ITGA3: variants seen among roughly 807,000 people sequenced by gnomAD.
ITGA3 encodes integrin alpha-3.
A neutral mutation model predicts 131.1 loss-of-function variants in ITGA3; 70 were observed. The observed-to-expected ratio is 0.53, with a 90% CI of 0.44 to 0.65. ITGA3 has a LOEUF of 0.65. ITGA3 is among the 30% of genes least tolerant of loss of function. The pLI, the probability that ITGA3 is intolerant of heterozygous loss-of-function variation, is 0.00. For missense variants in ITGA3, 1,098 were observed against 1,388.6 expected, an observed-to-expected ratio of 0.79 and a Z score of 3.33; for synonymous variants, 537 against 571.6, an observed-to-expected ratio of 0.94 and a Z score of 0.86.
chr17:50,087,660 T>G (rs1340727752), intron 23 of ITGA3, 84 bp from the exon 24 acceptor site: 2 of 1,470,504 alleles, frequency 1.4e-6, no homozygotes, highest in Non-Finnish European at 1.8e-6. Flanking sequence ...AAACAGCAGG[T>G]GCCTGGGCCC....
chr17:50,088,191 CT>C (rs781433624), intron 24 of ITGA3, 33 bp from the exon 25 acceptor site: 16 of 1,543,788 alleles, frequency 1.0e-5, no homozygotes, highest in East Asian at 2.4e-5. Flanking sequence ...CAGCGCCCCC[CT>C]GATGGCCCGT....
chr17:50,080,996 C>T (rs1008740363), intron 22 of ITGA3: 15 of 337,380 alleles, frequency 4.4e-5, no homozygotes, highest in Admixed American at 2.3e-4. Flanking sequence ...TGGGTGTGGC[C>T]GTGCGCCAAA....
intron 24 of ITGA3, 102 bp from the exon 25 acceptor site, chr17:50,088,123 C>G (rs1909546578): frequency 7.0e-7 from 1 of 1,423,894 alleles, no homozygotes; most frequent in Non-Finnish European, 9.3e-7. Flanking sequence ...TGAGCCCCAG[C>G]CCCCAGGCTC....
At chr17:50,075,217 C>T (rs1200956244) in intron 10 of ITGA3, among the ~76,000 whole-genome samples, 1 of 152,194 alleles carries the variant, frequency 6.6e-6, no homozygotes, top group Admixed American at 6.5e-5. Flanking sequence ...CAGACAAGTC[C>T]TTCTGGGCCC....
At chr17:50,077,508 C>T in intron 16 of ITGA3, 61 bp downstream of exon 16, 1 of 1,292,160 alleles carries the variant, frequency 7.7e-7, no homozygotes, top group Non-Finnish European at 1.1e-6. Flanking sequence ...CTGATGAGCT[C>T]CTTGTCCTTC....
chr17:50,090,196 C>T lies in ITGA3; in HGVS notation c.*1118C>T. The T allele has an allele frequency of 2.2e-6, 1 of 455,948 alleles. No homozygotes were observed. The highest frequency in any genetic ancestry group is 4.4e-6 in the Non-Finnish European group (1 of 226,480). The allele number at this position is 455,948 out of a possible 1,614,324, so 28.2% of individuals were successfully genotyped here. On this transcript the variant is annotated 3_prime_UTR_variant, in exon 26 of 26. Coordinates refer to ENST00000320031, the MANE Select transcript of ITGA3 (RefSeq NM_002204.4). ...CCTGCCCCACCCCATCCAGCCAGAC[C>T]CCACGCTGACCATGCGTCAGGGGCC...
intron 1 of ITGA3, among the ~76,000 whole-genome samples, chr17:50,061,606 C>CTCCCACCCTGACCCCAGTGA (rs1908081766): frequency 6.6e-6 from 1 of 152,180 alleles, no homozygotes; most frequent in African/African-American, 2.4e-5. Context: ...GCTGCCAGCG[C>CTCCCACCCTGACCCCAGTGA]TCCCACCCTG....
rs545094528 is a variant in ITGA3 at position 50,089,826 on chromosome 17, G to A, written c.*748G>A. On this transcript the variant is annotated 3_prime_UTR_variant, in exon 26 of 26. Transcript: ENST00000320031. ...TACGGGGGCACTTGGAGGACCTGGC[G>A]TGCTCAGACCCAACAGCAAAGGAAC... The A allele has an allele frequency of 4.8e-4, 82 of 170,504 alleles. No individual in the cohort carries two copies. Among genetic ancestry groups the A allele is most frequent in the Admixed American group, 1.1e-3 (19 of 17,700 alleles). 10.6% of individuals were successfully genotyped at this position (170,504 alleles called of 1,614,324 possible).
intron 6 of ITGA3, 137 bp downstream of exon 6, chr17:50,071,655 C>T: frequency 1.2e-6 from 1 of 823,360 alleles, no homozygotes. Flanking sequence ...TGCAGTCAGG[C>T]TTTATGGGAG....
At chr17:50,075,984 C>T (rs1248712739) in intron 12 of ITGA3, among the ~76,000 whole-genome samples, 2 of 152,122 alleles carry the variant, frequency 1.3e-5, no homozygotes, top group Admixed American at 6.5e-5. Context: ...AGTGTGGGAG[C>T]TCTTGGCTCA....
In ITGA3 at chr17:50,074,268, T is replaced by C. The variant is rs963624366; in HGVS notation, c.1370T>C (p.Ile457Thr). The C allele has an allele frequency of 1.1e-5, 18 of 1,614,034 alleles. No individual in the cohort carries two copies. The highest frequency in any genetic ancestry group is 4.0e-5 in the African/African-American group (3 of 74,936). ...CTAGTGGGAAGCCTGTCAGACCACATTGTGCTGCTGCGGTGAGCCAGGAGG... is the reference window on the plus strand; with the variant it reads ...CTAGTGGGAAGCCTGTCAGACCACACTGTGCTGCTGCGGTGAGCCAGGAGG... ...DLLVGSLSDHIVLLRARPVIN... is the reference protein window; with the variant it reads ...DLLVGSLSDHTVLLRARPVIN... Residue 457 changes from isoleucine to threonine, a missense_variant, in exon 9 of 26, where the codon ATT (isoleucine) becomes ACT (threonine). Transcript: ENST00000320031.
intron 21 of ITGA3, 32 bp from the exon 22 acceptor site, chr17:50,080,230 A>T: frequency 7.8e-7 from 1 of 1,283,406 alleles, no homozygotes; most frequent in Non-Finnish European, 1.1e-6. Context: ...GACTCAGACT[A>T]TGTCACGTCT....
rs766943378 is a variant in ITGA3, at chr17:50,074,307, G to A, written c.1382+27G>A. The A allele has an allele frequency of 1.1e-4, 181 of 1,611,934 alleles. 1 individual carries two copies. The South Asian group carries it at 1.8e-3, about 16-fold the overall frequency. On this transcript the variant is annotated intron_variant, in intron 9 of 25. Coordinates refer to ENST00000320031, the MANE Select transcript of ITGA3 (RefSeq NM_002204.4). ...TGAGCCAGGAGGCCAGTGAATAAGG[G>A]TCTTTCTCTTCTTCATCTTTGTCTG...
chr17:50,074,362 G>A, intron 9 of ITGA3, 82 bp downstream of exon 9: 14 of 1,599,106 alleles, frequency 8.8e-6, no homozygotes, highest in Middle Eastern at 1.7e-4. Context: ...CCATGTTTGC[G>A]CTAGCTCCTT....
In ITGA3 at chr17:50,064,206, T is replaced by A. The variant is rs754310513; in HGVS notation, c.334+2T>A. On this transcript the variant is annotated splice_donor_variant, in intron 2 of 25. Transcript: ENST00000320031. LOFTEE classifies it high-confidence loss of function. The surrounding 1 kb of genome is among the most constrained non-coding windows in gnomAD (Gnocchi z 4.4). ...AGCGGATGAACATCACAGTGAAAAG[T>A]GAGGGGAAGGGGCTGGGGAGGGGTG... is the stretch of plus-strand genomic sequence containing the variant. The A allele has an allele frequency of 6.2e-7, 1 of 1,603,224 alleles. No homozygotes were observed. Among genetic ancestry groups the A allele is most frequent in the Admixed American group, 1.7e-5 (1 of 58,860 alleles).
intron 22 of ITGA3, 50 bp downstream of exon 22, chr17:50,080,425 GAAC>G (rs1317921456): frequency 1.8e-6 from 2 of 1,100,344 alleles, no homozygotes; most frequent in Non-Finnish European, 1.4e-6. Flanking sequence ...CTGAGGGGGA[GAAC>G]AACAGGGAGA....
chr17:50,083,225 C>T (rs116270968), intron 23 of ITGA3, among the ~76,000 whole-genome samples: 1,683 of 152,206 alleles, frequency 0.011, 23 homozygotes, highest in African/African-American at 0.039. Context: ...ACCTCTACTT[C>T]ACAACATAAA....
intron 7 of ITGA3, among the ~76,000 whole-genome samples, chr17:50,073,630 ACACG>A (rs1191142007): frequency 1.2e-4 from 17 of 142,356 alleles, no homozygotes; most frequent in Admixed American, 3.0e-4. Context: ...ACACACACAC[ACACG>A]CACACACGCA....
intron 23 of ITGA3, among the ~76,000 whole-genome samples, chr17:50,084,933 C>A (rs1211563574): frequency 1.3e-5 from 2 of 152,002 alleles, no homozygotes; most frequent in African/African-American, 4.8e-5. Context: ...AAGAAAGAGA[C>A]CGGGCGTGGT....
Sources: gnomAD v4.1 joint callset for allele counts (sites outside exome capture counted in the v4.1 genomes callset) on GRCh38, gnomAD v4.1.1 for gene constraint, Gnocchi (gnomAD v3.1) non-coding constraint, MANE v1.5 for transcripts, NCBI Gene and HGNC (gene_info 2026-07-23, HGNC 2026-07-21) for gene names.